TSHZ1: variants seen among roughly 807,000 people sequenced by gnomAD.
The protein encoded by TSHZ1 is teashirt zinc finger homeobox 1.
TSHZ1 carries 12 observed loss-of-function variants against 67.1 expected under a neutral mutation model. The ratio of observed to expected loss-of-function variants is 0.18; its 90% CI spans 0.11 to 0.29. The LOEUF (loss-of-function observed/expected upper bound fraction) is 0.29. Among genes scored for constraint, TSHZ1 ranks in the 10% least tolerant of loss-of-function variants. The pLI, the probability that TSHZ1 is intolerant of heterozygous loss-of-function variation, is 1.00. For synonymous variants in TSHZ1, 632 were observed against 622.4 expected, an observed-to-expected ratio of 1.02 and a Z score of -0.23; for missense variants, 1,305 against 1,413.9, an observed-to-expected ratio of 0.92 and a Z score of 1.23.
At position 75,281,441 on chromosome 18, in the gene TSHZ1, G is replaced by A. The variant is rs1293171565; in HGVS notation, c.41-4007G>A. Among the ~76,000 whole-genome samples the A allele has an allele frequency of 1.3e-5, 2 of 152,162 alleles. No homozygotes were observed. The highest frequency in any genetic ancestry group is 1.9e-4 in the East Asian group (1 of 5,178). On this transcript the variant is annotated intron_variant, in intron 1 of 1. Transcript: ENST00000580243. This position sits in a 1 kb window ranked among gnomAD's most constrained non-coding sequence, Gnocchi z 5.3. The stretch of plus-strand genomic sequence containing the variant: ...AACGTAGGTGTGATGTGGAGCACCC[G>A]TGTCACATTAGATCTGTGGCAGAAC...
chr18:75,289,837 T>A lies in TSHZ1; in HGVS notation c.*1196T>A, dbSNP rs2023837717. On this transcript the variant is annotated 3_prime_UTR_variant, in exon 2 of 2. Coordinates refer to ENST00000580243, the MANE Select transcript of TSHZ1 (RefSeq NM_001308210.2). ...AAAGCAAGCAATGCACTATTAATTA[T>A]ACATTTTGATGTTCTATCATTAATA... is the stretch of plus-strand genomic sequence containing the variant. The A allele has an allele frequency of 6.0e-6, 1 of 167,144 alleles. No homozygotes were observed. The highest frequency in any genetic ancestry group is 6.5e-5 in the Admixed American group (1 of 15,296). The allele number at this position is 167,144 out of a possible 1,614,324, so 10.4% of individuals were successfully genotyped here.
In TSHZ1 at chr18:75,289,036, T is replaced by G. The variant is rs2023826118; in HGVS notation, c.*395T>G. On this transcript the variant is annotated 3_prime_UTR_variant, in exon 2 of 2. Transcript: ENST00000580243. ...CCTGGTAGTGTCAAATTTAACCCTTTGAGGACTGTAATTGCATTTCTGTGC... is the reference window on the plus strand; with the variant it reads ...CCTGGTAGTGTCAAATTTAACCCTTGGAGGACTGTAATTGCATTTCTGTGC... The G allele has an allele frequency of 5.8e-6, 1 of 172,632 alleles. No individual in the cohort carries two copies. Among genetic ancestry groups the G allele is most frequent in the Admixed American group, 6.5e-5 (1 of 15,456 alleles). The allele number at this position is 172,632 out of a possible 1,614,324, so 10.7% of individuals were successfully genotyped here.
chr18:75,235,018 G>A (rs1345761210), intron 1 of TSHZ1, among the ~76,000 whole-genome samples: 2 of 152,078 alleles, frequency 1.3e-5, no homozygotes, highest in African/African-American at 4.8e-5. Context: ...CAGTAGTAAA[G>A]GTGTAGACCC....
At chr18:75,263,692 T>A (rs1392463527) in intron 1 of TSHZ1, among the ~76,000 whole-genome samples, 1 of 152,226 alleles carries the variant, frequency 6.6e-6, no homozygotes, top group Middle Eastern at 3.2e-3. Context: ...ATACAATAAT[T>A]CAGTGTGAAG....
rs1014859968 is a variant in TSHZ1, at chr18:75,289,574, A to G, written c.*933A>G. 1.2e-5 allele frequency: 2 copies of G among 167,100 alleles called. No individual in the cohort carries two copies. Among genetic ancestry groups the G allele is most frequent in the African/African-American group, 4.8e-5 (2 of 41,454 alleles). 10.4% of individuals were successfully genotyped at this position (167,100 alleles called of 1,614,324 possible). A position where few individuals can be genotyped will look rare whatever the true frequency, so the allele number is the denominator to read the frequency against. On this transcript the variant is annotated 3_prime_UTR_variant, in exon 2 of 2. Coordinates refer to ENST00000580243, the MANE Select transcript of TSHZ1 (RefSeq NM_001308210.2). ...GCTTAAAAACTCCTGTATGTTACAT[A>G]TCGTACCATTTTAATCTCTTCAACT...
Position 75,286,140 on chromosome 18 carries a change from A to C in TSHZ1, c.733A>C (p.Lys245Gln), listed in dbSNP as rs1352257685. ...CGGCTCCGTCTTCACGGGCGCCAGC[A>C]AGTTCCGGTGCAAAGACTGCAGTGC... is the stretch of plus-strand genomic sequence containing the variant. The part of the protein sequence containing the change: ...LYGSVFTGAS[K>Q]FRCKDCSAAY... The change falls in exon 2 of 2, where the codon AAG (lysine) becomes CAG (glutamine). Residue 245 changes from lysine to glutamine, a missense_variant. By Grantham distance (53) the Lys-to-Gln change is moderately conservative. This residue lies in a region of TSHZ1 where 358 missense variants were observed against 375.6 expected (regional missense o/e 0.95). Transcript: ENST00000580243. The surrounding 1 kb of genome is among the most constrained non-coding windows in gnomAD (Gnocchi z 5.1). 2 of 1,613,420 alleles carry C rather than the reference A, an allele frequency of 1.2e-6. No homozygotes were observed. The highest frequency in any genetic ancestry group is 2.2e-5 in the East Asian group (1 of 44,846).
chr18:75,267,703 G>C (rs112421169), intron 1 of TSHZ1, among the ~76,000 whole-genome samples: 5 of 152,192 alleles, frequency 3.3e-5, no homozygotes, highest in African/African-American at 1.2e-4. Flanking sequence ...GAGACCTTTC[G>C]TATGCATATT....
intron 1 of TSHZ1, among the ~76,000 whole-genome samples, chr18:75,279,578 C>T (rs184560396): frequency 7.9e-5 from 12 of 152,176 alleles, no homozygotes; most frequent in Non-Finnish European, 1.3e-4. Context: ...AGCAGGAGGA[C>T]GGTGGGAGGC....
intron 1 of TSHZ1, among the ~76,000 whole-genome samples, chr18:75,256,805 A>G (rs1455572371): frequency 2.0e-5 from 3 of 152,218 alleles, no homozygotes; most frequent in Non-Finnish European, 4.4e-5. Context: ...GTAGATACCA[A>G]AACATCTCGA....
intron 1 of TSHZ1, among the ~76,000 whole-genome samples, chr18:75,277,982 A>G (rs2023635359): frequency 1.3e-5 from 2 of 151,686 alleles, no homozygotes; most frequent in Non-Finnish European, 2.9e-5. Flanking sequence ...CTGGGCTCCT[A>G]CCATGCTCTC....
chr18:75,272,479 G>A (rs192225725), intron 1 of TSHZ1, among the ~76,000 whole-genome samples: 1 of 152,294 alleles, frequency 6.6e-6, no homozygotes, highest in East Asian at 1.9e-4. Context: ...GGAGGAAGGA[G>A]AACTGGTATT....
chr18:75,268,291 C>T (rs1055131143), intron 1 of TSHZ1, among the ~76,000 whole-genome samples: 11 of 152,140 alleles, frequency 7.2e-5, no homozygotes, highest in African/African-American at 2.2e-4. Flanking sequence ...ATTGACATGC[C>T]GTGCATTACC....
At chr18:75,222,655 T>A (rs374754008) in intron 1 of TSHZ1, among the ~76,000 whole-genome samples, 1 of 152,182 alleles carries the variant, frequency 6.6e-6, no homozygotes, top group African/African-American at 2.4e-5. Flanking sequence ...TTCTAAATTA[T>A]GCAAAATGAG....
rs557023440 is a variant in TSHZ1, at chr18:75,211,766, G to T, written c.-111G>T. On this transcript the variant is annotated 5_prime_UTR_variant, in exon 1 of 2. Coordinates refer to ENST00000580243, the MANE Select transcript of TSHZ1 (RefSeq NM_001308210.2). ...CCCGGAGCCCGGAGCCCGCGGGGAC[G>T]AGGCCAAAGTTGGGCGCGCCGCGGA... 1 of 656,090 alleles carries T rather than the reference G, an allele frequency of 1.5e-6. No homozygotes were observed. Among genetic ancestry groups the T allele is most frequent in the Non-Finnish European group, 1.9e-6 (1 of 528,990 alleles). The allele number at this position is 656,090 out of a possible 1,614,324, so 40.6% of individuals were successfully genotyped here.
intron 1 of TSHZ1, among the ~76,000 whole-genome samples, chr18:75,260,889 G>C (rs992970081): frequency 2.8e-4 from 42 of 152,120 alleles, no homozygotes; most frequent in African/African-American, 9.9e-4. Context: ...TGCTCTCTTA[G>C]TTTTATACCT....
chr18:75,252,866 C>A (rs1400861918), intron 1 of TSHZ1, among the ~76,000 whole-genome samples: 3 of 151,804 alleles, frequency 2.0e-5, no homozygotes, highest in Non-Finnish European at 4.4e-5. Flanking sequence ...AATAATATAG[C>A]TTTCTACCCA....
intron 1 of TSHZ1, among the ~76,000 whole-genome samples, chr18:75,215,496 T>G (rs2022754557): frequency 6.6e-6 from 1 of 152,106 alleles, no homozygotes; most frequent in Admixed American, 6.5e-5. Flanking sequence ...ACGGTGGATA[T>G]CTCAAATTTT....
rs549683768 is a variant in TSHZ1 at position 75,274,433 on chromosome 18, G to T, written c.41-11015G>T. Among the ~76,000 whole-genome samples, 61 of 152,120 alleles carry T rather than the reference G, an allele frequency of 4.0e-4. No individual in the cohort carries two copies. The South Asian group carries it at 0.012, about 31-fold the overall frequency. On this transcript the variant is annotated intron_variant, in intron 1 of 1. Transcript: ENST00000580243. The stretch of plus-strand genomic sequence containing the variant: ...GGTGACTATTTTCTGTGATTCAGTG[G>T]CCTCTCTTATAAAAATCTTTTAGTC...
chr18:75,280,226 T>C (rs2023667744), intron 1 of TSHZ1, among the ~76,000 whole-genome samples: 1 of 152,250 alleles, frequency 6.6e-6, no homozygotes, highest in African/African-American at 2.4e-5. Context: ...AAGTTTTATG[T>C]GTGTAAAAGG....
Sources: allele counts gnomAD v4.1 joint callset (sites outside exome capture counted in the v4.1 genomes callset), GRCh38; gene constraint gnomAD v4.1.1; regional missense constraint gnomAD v4.1.1; non-coding constraint Gnocchi (gnomAD v3.1); transcripts MANE v1.5; gene names NCBI Gene and HGNC (gene_info 2026-07-23, HGNC 2026-07-21).